NEO1: variants seen among roughly 807,000 people sequenced by gnomAD.
The protein encoded by NEO1 is neogenin.
NEO1 carries 63 observed loss-of-function variants against 159.7 expected under a neutral mutation model. That is an observed-to-expected ratio of 0.39 (90% confidence interval 0.32 to 0.49). The LOEUF (loss-of-function observed/expected upper bound fraction) is 0.49. Ranked by LOEUF, NEO1 falls within the 20% of genes least tolerant of loss-of-function variation. The probability of loss-of-function intolerance (pLI) is 0.85; values close to 1 mark genes in which losing one functional copy is unlikely to be tolerated. For synonymous variants in NEO1, 633 were observed against 662.0 expected (o/e 0.96, Z 0.67); for missense variants, 1,615 against 1,831.0 (o/e 0.88, Z 2.15).
chr15:73,099,426 A>G (rs2070276356), intron 1 of NEO1, among the ~76,000 whole-genome samples: 1 of 152,198 alleles, frequency 6.6e-6, no homozygotes, highest in Non-Finnish European at 1.5e-5. Flanking sequence ...TTGTGAGACT[A>G]TGACAGGATT....
intron 1 of NEO1, among the ~76,000 whole-genome samples, chr15:73,090,639 A>G (rs1480974046): frequency 6.6e-6 from 1 of 152,220 alleles, no homozygotes; most frequent in Non-Finnish European, 1.5e-5. Context: ...ACATAAAATT[A>G]TAAGTATTAT....
intron 13 of NEO1, among the ~76,000 whole-genome samples, chr15:73,257,784 ATGAT>A (rs1409309105): frequency 6.6e-6 from 1 of 152,182 alleles, no homozygotes; most frequent in Non-Finnish European, 1.5e-5. Context: ...AGGACAGGGA[ATGAT>A]TGGTTGGATT....
chr15:73,066,202 C>T lies in NEO1; in HGVS notation c.130+13397C>T, dbSNP rs1467482134. 5.8e-5 allele frequency among the ~76,000 whole-genome samples: 8 copies of T among 138,574 alleles called. 1 individual carries two copies. Among genetic ancestry groups the T allele is most frequent in the South Asian group, 5.0e-4 (2 of 4,034 alleles). The allele number at this position is 138,574 out of a possible 152,430, so 90.9% of individuals were successfully genotyped here. A position where few individuals can be genotyped will look rare whatever the true frequency, so the allele number is the denominator to read the frequency against. On this transcript the variant is annotated intron_variant, in intron 1 of 28. Coordinates refer to ENST00000261908, the MANE Select transcript of NEO1 (RefSeq NM_002499.4). The stretch of plus-strand genomic sequence containing the variant: ...CCGGCTAATTTTCTTATTTTTTGTA[C>T]GTTTAGTAGTGACGGGGTTTCATCG...
intron 1 of NEO1, among the ~76,000 whole-genome samples, chr15:73,069,992 G>T (rs1400079991): frequency 5.3e-5 from 8 of 152,160 alleles, no homozygotes; most frequent in Admixed American, 5.2e-4. Context: ...GGCAACTGTG[G>T]CCAAAAAGTA....
At position 73,249,635 on chromosome 15, in the gene NEO1, C is replaced by G. The variant is rs779361766; in HGVS notation, c.1808C>G (p.Thr603Arg). ...ACCATTAATGGGTTGAAAAAATATA[C>G]AGAGTATAGTTTCCGAGTGGTGGCC... Reference protein sequence around the residue: ...SYTINGLKKYTEYSFRVVAYN... With the variant: ...SYTINGLKKYREYSFRVVAYN... The change falls in exon 11 of 29, where the codon ACA (threonine) becomes AGA (arginine). Residue 603 changes from threonine (T) to arginine (R), a missense_variant. Coordinates refer to ENST00000261908, the MANE Select transcript of NEO1 (RefSeq NM_002499.4). 6.2e-7 allele frequency: 1 copy of G among 1,613,432 alleles called. No individual in the cohort carries two copies. The highest frequency in any genetic ancestry group is 1.1e-5 in the South Asian group (1 of 90,964).
chr15:73,086,684 CTTTT>C (rs56321563), intron 1 of NEO1, among the ~76,000 whole-genome samples: 1 of 122,042 alleles, frequency 8.2e-6, no homozygotes, highest in Non-Finnish European at 1.6e-5. Context: ...TTCTAGATTT[CTTTT>C]TTTTTTTTTT....
At chr15:73,271,358 A>G (rs183776191) in intron 18 of NEO1, among the ~76,000 whole-genome samples, 1 of 152,310 alleles carries the variant, frequency 6.6e-6, no homozygotes, top group Non-Finnish European at 1.5e-5. Flanking sequence ...ATTTTATACT[A>G]AGAGAATTCT....
At chr15:73,114,803 A>G (rs2071210261) in intron 1 of NEO1, among the ~76,000 whole-genome samples, 1 of 152,178 alleles carries the variant, frequency 6.6e-6, no homozygotes, top group South Asian at 2.1e-4. Flanking sequence ...GGGGGGTATA[A>G]TAGAGATTTA....
chr15:73,236,477 T>C lies in NEO1; in HGVS notation c.1422T>C (p.Ser474=). The C allele has an allele frequency of 6.2e-7, 1 of 1,614,102 alleles. No homozygotes were observed. The highest frequency in any genetic ancestry group is 8.5e-7 in the Non-Finnish European group (1 of 1,179,978). Residue 474 remains serine, a synonymous_variant, in exon 8 of 29, where the codon TCT becomes TCC. Coordinates refer to ENST00000261908, the MANE Select transcript of NEO1 (RefSeq NM_002499.4). ...CTCACGGAGACAACCTTACCTACTC[T>C]GTGTTCTACACCAAGGAAGGGATTG... ...SDPHGDNLTY[S]VFYTKEGIAR...
intron 7 of NEO1, among the ~76,000 whole-genome samples, chr15:73,211,001 A>G (rs370013251): frequency 6.6e-5 from 10 of 152,360 alleles, no homozygotes; most frequent in African/African-American, 2.4e-4. Context: ...TCATAACATA[A>G]AAATACATAA....
intron 5 of NEO1, among the ~76,000 whole-genome samples, chr15:73,154,410 G>C (rs193089016): frequency 1.0e-3 from 158 of 152,178 alleles, no homozygotes; most frequent in East Asian, 9.6e-4. Context: ...GTTGACTGTA[G>C]TCACCTTGTT....
intron 1 of NEO1, among the ~76,000 whole-genome samples, chr15:73,103,007 C>T (rs983750546): frequency 1.3e-5 from 2 of 152,182 alleles, no homozygotes; most frequent in Non-Finnish European, 2.9e-5. Flanking sequence ...CCCTCCTTTA[C>T]TCACCTTACT....
At chr15:73,114,646 G>A (rs1349811719) in intron 1 of NEO1, among the ~76,000 whole-genome samples, 1 of 152,004 alleles carries the variant, frequency 6.6e-6, no homozygotes, top group Non-Finnish European at 1.5e-5. Context: ...GTAATTTTGG[G>A]GGTATTTTTT....
intron 7 of NEO1, among the ~76,000 whole-genome samples, chr15:73,208,894 CA>C (rs2037390902): frequency 1.3e-5 from 2 of 151,956 alleles, no homozygotes; most frequent in African/African-American, 4.8e-5. Context: ...AAAATAAAAA[CA>C]AAAAACCTTA....
At position 73,260,347 on chromosome 15, in the gene NEO1, T is replaced by A. The variant is rs150357731; in HGVS notation, c.2280T>A (p.Pro760=). Residue 760 remains proline (P), a synonymous_variant, in exon 15 of 29, where the codon CCT becomes CCA. Transcript: ENST00000261908. ...LVTSIVVSWT[P]PENQNIVVRG... is the part of the protein sequence containing the mutation. ...CTAGCATCGTAGTGAGCTGGACTCC[T>A]CCAGAGAATCAGAACATTGTGGTCA... 6.2e-7 allele frequency: 1 copy of A among 1,614,050 alleles called. No individual in the cohort carries two copies. Among genetic ancestry groups the A allele is most frequent in the Admixed American group, 1.7e-5 (1 of 60,008 alleles).
Position 73,247,141 on chromosome 15 carries a change from G to A in NEO1, c.1607-1919G>A, listed in dbSNP as rs370157970. ...CTGGTGAGGGTATTTTAGGGATGGA[G>A]AAGAGACTATAACATGTTTTGGCAA... is the stretch of plus-strand genomic sequence containing the variant. On this transcript the variant is annotated intron_variant, in intron 9 of 28. Transcript: ENST00000261908. Among the ~76,000 whole-genome samples, 8 of 152,338 alleles carry A rather than the reference G, an allele frequency of 5.3e-5. No homozygotes were observed. The South Asian group carries it at 1.2e-3, about 24-fold the overall frequency.
chr15:73,232,127 G>A (rs1156986626), intron 7 of NEO1, among the ~76,000 whole-genome samples: 1 of 152,000 alleles, frequency 6.6e-6, no homozygotes, highest in Non-Finnish European at 1.5e-5. Context: ...CACTTTTGTT[G>A]AATATTGGAT....
chr15:73,071,313 T>C (rs1224263541), intron 1 of NEO1, among the ~76,000 whole-genome samples: 1 of 152,194 alleles, frequency 6.6e-6, no homozygotes, highest in Non-Finnish European at 1.5e-5. Context: ...TTTGTGGTTC[T>C]GGGGCCTGGA....
chr15:73,098,575 A>G (rs1362494966), intron 1 of NEO1, among the ~76,000 whole-genome samples: 1 of 152,174 alleles, frequency 6.6e-6, no homozygotes, highest in South Asian at 2.1e-4. Flanking sequence ...TAGAAAATAA[A>G]CTTATTTTAC....
Sources: allele counts gnomAD v4.1 joint callset (sites outside exome capture counted in the v4.1 genomes callset), GRCh38; gene constraint gnomAD v4.1.1; transcripts MANE v1.5; gene names NCBI Gene and HGNC (gene_info 2026-07-23, HGNC 2026-07-21).